IMMP2L: variants seen among roughly 807,000 people sequenced by gnomAD.
IMMP2L encodes the protein inner mitochondrial membrane peptidase subunit 2, also known as mitochondrial inner membrane protease subunit 2.
In IMMP2L, 18 loss-of-function variants were observed where a neutral mutation model predicts 19.3. The ratio of observed to expected loss-of-function variants is 0.93; its 90% confidence interval spans 0.64 to 1.38. The LOEUF is 1.38. IMMP2L is among the 40% of genes most tolerant of loss of function. The probability of loss-of-function intolerance (pLI) is 0.00; values close to 1 mark genes in which losing one functional copy is unlikely to be tolerated. For synonymous variants in IMMP2L, 76 were observed against 73.0 expected, an observed-to-expected ratio of 1.04 and a Z score of -0.21; for missense variants, 233 against 218.2, an observed-to-expected ratio of 1.07 and a Z score of -0.43.
intron 2 of IMMP2L, among the ~76,000 whole-genome samples, chr7:111,491,048 C>T (rs1409178393): frequency 6.6e-6 from 1 of 152,030 alleles, no homozygotes; most frequent in African/African-American, 2.4e-5. Context: ...TCTTCTTTCT[C>T]CTCCTCCTCC....
chr7:111,054,898 G>C (rs1418204412), intron 3 of IMMP2L, among the ~76,000 whole-genome samples: 3 of 152,056 alleles, frequency 2.0e-5, no homozygotes, highest in Non-Finnish European at 4.4e-5. Context: ...AAAGTTACAG[G>C]CTCAATCTAT....
intron 5 of IMMP2L, among the ~76,000 whole-genome samples, chr7:110,819,869 A>ATG (rs201952807): frequency 6.7e-5 from 10 of 149,188 alleles, no homozygotes; most frequent in African/African-American, 2.3e-4. Context: ...GACAATACAA[A>ATG]CGTGTTTTAT....
chr7:111,045,101 C>A (rs1792268219), intron 3 of IMMP2L, among the ~76,000 whole-genome samples: 1 of 152,124 alleles, frequency 6.6e-6, no homozygotes, highest in Non-Finnish European at 1.5e-5. Context: ...TCACAGATTC[C>A]ACTTTCAGCT....
chr7:111,182,870 T>A (rs1398816030), intron 3 of IMMP2L, among the ~76,000 whole-genome samples: 1 of 152,030 alleles, frequency 6.6e-6, no homozygotes, highest in Non-Finnish European at 1.5e-5. Context: ...AAATTGAAAT[T>A]TGGAAGACAG....
chr7:111,120,865 A>C (rs1302035748), intron 3 of IMMP2L, among the ~76,000 whole-genome samples: 1 of 152,098 alleles, frequency 6.6e-6, no homozygotes, highest in Non-Finnish European at 1.5e-5. Context: ...GTTGAATCGC[A>C]ATCTAACTCA....
intron 3 of IMMP2L, among the ~76,000 whole-genome samples, chr7:111,372,255 C>T (rs1217416329): frequency 6.6e-6 from 1 of 151,894 alleles, no homozygotes; most frequent in African/African-American, 2.4e-5. Context: ...TAAATATATA[C>T]ACTTACTATA....
chr7:111,250,904 T>C (rs1816030936), intron 3 of IMMP2L, among the ~76,000 whole-genome samples: 1 of 152,108 alleles, frequency 6.6e-6, no homozygotes, highest in Admixed American at 6.6e-5. Context: ...AATTGACAAA[T>C]GGGATCTAAT....
rs566570906 is a variant in IMMP2L at position 110,810,762 on chromosome 7, A to G, written c.408+75831T>C. Among the ~76,000 whole-genome samples, 11 of 152,184 alleles carry G rather than the reference A, an allele frequency of 7.2e-5. No individual in the cohort carries two copies. The South Asian group carries it at 2.3e-3, about 32-fold the overall frequency. On this transcript the variant is annotated intron_variant, in intron 5 of 5. Coordinates refer to ENST00000405709, the MANE Select transcript of IMMP2L (RefSeq NM_032549.4). ...TAATTCAGTTTGAAAGTGATTAATT[A>G]TAATAAACAATACCTGAATTTGTGA...
intron 5 of IMMP2L, among the ~76,000 whole-genome samples, chr7:110,805,476 T>C (rs1327882974): frequency 6.6e-6 from 1 of 152,062 alleles, no homozygotes; most frequent in Non-Finnish European, 1.5e-5. Flanking sequence ...TATATACTAA[T>C]ACAGAATTGA....
chr7:110,934,430 T>G (rs919861305), intron 4 of IMMP2L, among the ~76,000 whole-genome samples: 1 of 152,156 alleles, frequency 6.6e-6, no homozygotes, highest in Admixed American at 6.6e-5. Context: ...ATATTGACAG[T>G]GGGAGATGTT....
At chr7:111,142,514 A>C (rs1403828682) in intron 3 of IMMP2L, among the ~76,000 whole-genome samples, 3 of 152,124 alleles carry the variant, frequency 2.0e-5, no homozygotes, top group Admixed American at 6.6e-5. Context: ...AAGTGCAACA[A>C]GTAGGGTTCA....
At position 110,685,938 on chromosome 7, in the gene IMMP2L, G is replaced by A. The variant is rs1793078759; in HGVS notation, c.409-22217C>T. ...AAAGAAATGGCTTTTAGTTAAATGA[G>A]CAATATTTTCTTGGTTTTCTCTCAG... On this transcript the variant is annotated intron_variant, in intron 5 of 5. Coordinates refer to ENST00000405709, the MANE Select transcript of IMMP2L (RefSeq NM_032549.4). 1.3e-5 allele frequency among the ~76,000 whole-genome samples: 2 copies of A among 152,026 alleles called. 1 individual carries two copies. The highest frequency in any genetic ancestry group is 4.1e-4 in the South Asian group (2 of 4,824).
rs146248890 is a variant in IMMP2L, at chr7:110,933,885, T to C, written c.305+29615A>G. On this transcript the variant is annotated intron_variant, in intron 4 of 5. Coordinates refer to ENST00000405709, the MANE Select transcript of IMMP2L (RefSeq NM_032549.4). ...GTTACTTTTTGTCTTTTGCTAGCTTTTGAATTTGTCTGGTCTTGCTTCTCT... is the reference window on the plus strand; with the variant it reads ...GTTACTTTTTGTCTTTTGCTAGCTTCTGAATTTGTCTGGTCTTGCTTCTCT... Among the ~76,000 whole-genome samples, 541 of 152,330 alleles carry C rather than the reference T, an allele frequency of 3.6e-3. 2 individuals are homozygous for C. Among genetic ancestry groups the C allele is most frequent in the Non-Finnish European group, 6.8e-3 (460 of 68,030 alleles).
At chr7:111,458,610 T>C (rs1839880386) in intron 3 of IMMP2L, among the ~76,000 whole-genome samples, 1 of 152,030 alleles carries the variant, frequency 6.6e-6, no homozygotes, top group South Asian at 2.1e-4. Context: ...TTCCTGATTC[T>C]CCTATCCCTC....
intron 3 of IMMP2L, among the ~76,000 whole-genome samples, chr7:111,266,111 T>G (rs1817804771): frequency 6.6e-6 from 1 of 152,124 alleles, no homozygotes; most frequent in Non-Finnish European, 1.5e-5. Context: ...GTTTATTGTC[T>G]GTCTTCCTTG....
intron 3 of IMMP2L, among the ~76,000 whole-genome samples, chr7:111,151,865 G>A (rs1804110646): frequency 6.6e-6 from 1 of 152,182 alleles, no homozygotes; most frequent in African/African-American, 2.4e-5. Context: ...GAACCTGGGA[G>A]GCGGAGGTTG....
chr7:111,261,104 C>A (rs1817266302), intron 3 of IMMP2L, among the ~76,000 whole-genome samples: 1 of 152,036 alleles, frequency 6.6e-6, no homozygotes, highest in African/African-American at 2.4e-5. Context: ...CAAGAAACTT[C>A]CATTAACTTC....
intron 1 of IMMP2L, among the ~76,000 whole-genome samples, chr7:111,543,369 G>A (rs1291855865): frequency 1.3e-5 from 2 of 152,032 alleles, no homozygotes; most frequent in Admixed American, 6.6e-5. Flanking sequence ...ACCTGGTAGG[G>A]ACTGCTAGTA....
chr7:111,329,058 A>G (rs556593309), intron 3 of IMMP2L, among the ~76,000 whole-genome samples: 9 of 151,990 alleles, frequency 5.9e-5, no homozygotes, highest in Non-Finnish European at 1.2e-4. Flanking sequence ...AATTTAAAAG[A>G]TCGTCACATC....
Sources: allele counts gnomAD v4.1 joint callset (sites outside exome capture counted in the v4.1 genomes callset), GRCh38; gene constraint gnomAD v4.1.1; transcripts MANE v1.5; gene names NCBI Gene and HGNC (gene_info 2026-07-23, HGNC 2026-07-21).